The following DNAJC21 variants were observed in gnomAD, a reference collection of about 807,000 sequenced individuals.
The protein encoded by DNAJC21 is DnaJ heat shock protein family (Hsp40) member C21, also known as dnaJ homolog subfamily C member 21.
A neutral mutation model predicts 72.4 loss-of-function variants in DNAJC21; 63 were observed. The observed-to-expected ratio is 0.87, with a 90% CI of 0.71 to 1.07. The LOEUF (loss-of-function observed/expected upper bound fraction) is 1.07. Among genes scored for constraint, DNAJC21 ranks in the 50% least tolerant of loss-of-function variants. The pLI is 0.00. For synonymous variants in DNAJC21, 203 were observed against 216.7 expected (o/e 0.94, Z 0.56); for missense variants, 634 against 644.8 (o/e 0.98, Z 0.18).
chr5:34,953,349 C>T lies in DNAJC21; in HGVS notation c.1359-577C>T, dbSNP rs151215407. On this transcript the variant is annotated intron_variant, in intron 10 of 11. Coordinates refer to ENST00000648817, the MANE Select transcript of DNAJC21 (RefSeq NM_001012339.3). The stretch of plus-strand genomic sequence containing the variant: ...CAATCTTGGCTCACTGCAGTCTCCA[C>T]CTCCTGGGTTCAAGTGATTCCCCTG... Among the ~76,000 whole-genome samples, 26 of 152,056 alleles carry T rather than the reference C, an allele frequency of 1.7e-4. No individual in the cohort carries two copies. In the East Asian group the frequency reaches 5.1e-3, roughly 30 times the overall value.
intron 9 of DNAJC21, chr5:34,949,589 T>C: frequency 6.3e-7 from 1 of 1,579,838 alleles, no homozygotes; most frequent in South Asian, 1.1e-5. Context: ...CACTTTCAGA[T>C]GGCTTGGGGA....
intron 8 of DNAJC21, 127 bp downstream of exon 8, chr5:34,945,152 A>C: frequency 8.9e-7 from 1 of 1,122,302 alleles, no homozygotes; most frequent in Non-Finnish European, 1.3e-6. Flanking sequence ...GTCTCAGCTC[A>C]CTGCAACCTC....
At chr5:34,943,851 A>T (rs1166892856) in intron 7 of DNAJC21, among the ~76,000 whole-genome samples, 1 of 152,010 alleles carries the variant, frequency 6.6e-6, no homozygotes, top group Non-Finnish European at 1.5e-5. Context: ...TTCATTACTG[A>T]CCTTTTCATG....
chr5:34,947,753 T>A (rs1211766320), intron 9 of DNAJC21, among the ~76,000 whole-genome samples: 4 of 151,758 alleles, frequency 2.6e-5, no homozygotes, highest in Non-Finnish European at 5.9e-5. Context: ...AGAGTTCATT[T>A]CTGTGCCGTA....
At chr5:34,952,313 C>A in intron 10 of DNAJC21, 2 of 904,556 alleles carry the variant, frequency 2.2e-6, no homozygotes, top group Non-Finnish European at 2.6e-6. Flanking sequence ...TTATTTGTTG[C>A]CTTTTATGCC....
chr5:34,954,232 CT>C, intron 11 of DNAJC21: 1 of 468,486 alleles, frequency 2.1e-6, no homozygotes, highest in Non-Finnish European at 3.7e-6. Flanking sequence ...TTTTCTATTA[CT>C]TTTCAATCTA....
At chr5:34,950,034 T>G in intron 9 of DNAJC21, 136 bp from the exon 10 acceptor site, 2 of 983,320 alleles carry the variant, frequency 2.0e-6, no homozygotes, top group South Asian at 2.2e-5. Flanking sequence ...ATCACTGTAA[T>G]GAGCATCCAT....
At chr5:34,937,682 A>G (rs762321463) in intron 5 of DNAJC21, 52 bp downstream of exon 5, 11 of 1,553,734 alleles carry the variant, frequency 7.1e-6, no homozygotes, top group Non-Finnish European at 9.5e-6. Flanking sequence ...GGTCAGAGGC[A>G]GCACCAGAGG....
intron 9 of DNAJC21, chr5:34,949,457 A>G: frequency 2.0e-6 from 3 of 1,531,796 alleles, no homozygotes; most frequent in Non-Finnish European, 2.6e-6. Context: ...GTAATTGGTA[A>G]ATTTGAATGT....
intron 10 of DNAJC21, chr5:34,952,748 C>T (rs1434230508): frequency 6.6e-6 from 1 of 152,096 alleles, no homozygotes; most frequent in Admixed American, 6.5e-5. Context: ...AAAGTAACTT[C>T]CTTATATTGA....
chr5:34,953,925 G>C lies in DNAJC21; in HGVS notation c.1359-1G>C. On this transcript the variant is annotated splice_acceptor_variant, in intron 10 of 11. Transcript: ENST00000648817. LOFTEE classifies it high-confidence loss of function. Reference sequence around the variant, plus strand: ...ATTATGCTGAATTATTTATTTTCCAGTGTTCCTAAACCCAAAGGAAAGAAA... The same window carrying C: ...ATTATGCTGAATTATTTATTTTCCACTGTTCCTAAACCCAAAGGAAAGAAA... The C allele has an allele frequency of 6.2e-7, 1 of 1,607,012 alleles. No homozygotes were observed. Among genetic ancestry groups the C allele is most frequent in the South Asian group, 1.1e-5 (1 of 89,422 alleles).
chr5:34,954,676 A>G lies in DNAJC21; in HGVS notation c.1558A>G (p.Ser520Gly), dbSNP rs1561194443. The change falls in exon 12 of 12, where the codon AGT becomes GGT. Residue 520 changes from serine (S) to glycine (G), a missense_variant. Physicochemically the swap from Ser to Gly is moderately conservative, Grantham distance 56 (BLOSUM62 0). Transcript: ENST00000648817. ...PSSSSLNSATSSQSKKEKRKN... is the reference protein window; with the variant it reads ...PSSSSLNSATGSQSKKEKRKN... ...ATCATCGTCTTTAAACAGCGCAACA[A>G]GTAGTCAAAGCAAGAAAGAGAAACG... 2.5e-6 allele frequency: 4 copies of G among 1,611,572 alleles called. No homozygotes were observed. The highest frequency in any genetic ancestry group is 1.7e-5 in the Admixed American group (1 of 59,458).
At chr5:34,944,746 C>G in intron 7 of DNAJC21, 121 bp from the exon 8 acceptor site, 1 of 1,293,456 alleles carries the variant, frequency 7.7e-7, no homozygotes, top group East Asian at 2.4e-5. Flanking sequence ...TAAATAGAAT[C>G]AGAAACGTTT....
Position 34,950,729 on chromosome 5 carries a change from TG to T in DNAJC21, c.1358+388del, listed in dbSNP as rs1765336557. ...AATCTCCATGCTCACGACAGCAGCC[TG>T]TGTTGGGCCCCACCATGTTGTGAGG... On this transcript the variant is annotated intron_variant, in intron 10 of 11. Coordinates refer to ENST00000648817, the MANE Select transcript of DNAJC21 (RefSeq NM_001012339.3). 4.0e-6 allele frequency: 4 copies of T among 992,680 alleles called. No individual in the cohort carries two copies. The South Asian group carries it at 1.8e-4, about 45-fold the overall frequency. 61.5% of individuals were successfully genotyped at this position (992,680 alleles called of 1,614,324 possible).
chr5:34,941,560 CTTTTTTTTTTTT>C (rs765889955), intron 7 of DNAJC21, among the ~76,000 whole-genome samples: 2 of 76,090 alleles, frequency 2.6e-5, no homozygotes, highest in South Asian at 5.7e-4. Context: ...CTTGTGTTTT[CTTTTTTTTTTTT>C]TTTTTTTTTT....
intron 4 of DNAJC21, among the ~76,000 whole-genome samples, chr5:34,936,647 C>T (rs1267670564): frequency 1.3e-5 from 2 of 152,188 alleles, no homozygotes; most frequent in East Asian, 1.9e-4. Flanking sequence ...TTCTAGTTCT[C>T]GAACCTATCC....
At chr5:34,946,397 A>G (rs1025851134) in intron 9 of DNAJC21, among the ~76,000 whole-genome samples, 2 of 152,156 alleles carry the variant, frequency 1.3e-5, no homozygotes, top group African/African-American at 4.8e-5. Context: ...TGTCCATTTT[A>G]CCAAGGACAT....
chr5:34,940,043 A>G (rs965042311), intron 6 of DNAJC21, among the ~76,000 whole-genome samples: 4 of 152,188 alleles, frequency 2.6e-5, no homozygotes, highest in African/African-American at 9.7e-5. Context: ...GAGTTTTACA[A>G]TTTATAAAGT....
chr5:34,943,085 G>C (rs768137492), intron 7 of DNAJC21, among the ~76,000 whole-genome samples: 12 of 151,876 alleles, frequency 7.9e-5, no homozygotes, highest in Non-Finnish European at 1.5e-4. Context: ...AAAAAAAAAA[G>C]TAAGGTTATT....
Sources: allele counts gnomAD v4.1 joint callset (sites outside exome capture counted in the v4.1 genomes callset), GRCh38; gene constraint gnomAD v4.1.1; transcripts MANE v1.5; gene names NCBI Gene and HGNC (gene_info 2026-07-23, HGNC 2026-07-21).